Variants in POTEE observed in about 807,000 individuals in gnomAD.
POTEE encodes the protein POTE ankyrin domain family member E.
A neutral mutation model predicts 74.2 loss-of-function variants in POTEE; 21 were observed. That is an observed-to-expected ratio of 0.28 (90% CI 0.20 to 0.41). The LOEUF (loss-of-function observed/expected upper bound fraction) is 0.41. Ranked by LOEUF, POTEE falls within the 10% of genes least tolerant of loss-of-function variation. POTEE has a pLI of 1.00. For synonymous variants in POTEE, 211 were observed against 432.8 expected (o/e 0.49, Z 6.36); for missense variants, 525 against 1,158.6 (o/e 0.45, Z 7.94).
At chr2:131,215,480 T>TAA (rs930537056) in intron 2 of POTEE, among the ~76,000 whole-genome samples, 4 of 151,858 alleles carry the variant, frequency 2.6e-5, no homozygotes, top group Non-Finnish European at 5.9e-5. Flanking sequence ...TTTCAAGACT[T>TAA]ACGCTAGAAC....
At chr2:131,224,305 A>G (rs1483059667) in intron 6 of POTEE, among the ~76,000 whole-genome samples, 1 of 148,080 alleles carries the variant, frequency 6.8e-6, no homozygotes, top group East Asian at 2.0e-4. Flanking sequence ...AATACTTACT[A>G]TTTTTCAATT....
At chr2:131,237,408 AGGTCATAAAAGCAACACAGCT>A (rs1433077266) in intron 10 of POTEE, among the ~76,000 whole-genome samples, 2 of 151,936 alleles carry the variant, frequency 1.3e-5, no homozygotes, top group African/African-American at 4.8e-5. Flanking sequence ...GGAGGGAACC[AGGTCATAAAAGCAACACAGCT>A]GCCTATTACA....
intron 4 of POTEE, among the ~76,000 whole-genome samples, chr2:131,220,474 G>A (rs1247735306): frequency 1.3e-5 from 2 of 151,214 alleles, no homozygotes; most frequent in African/African-American, 4.9e-5. Context: ...CAAGTGCTGG[G>A]GTTACAGGCG....
intron 8 of POTEE, chr2:131,229,806 A>G (rs1177981162): frequency 1.3e-5 from 2 of 152,180 alleles, no homozygotes; most frequent in Non-Finnish European, 2.9e-5. Flanking sequence ...AAATATTGAA[A>G]TTGTGATTTG....
chr2:131,235,417 A>G (rs1701096903), intron 9 of POTEE, among the ~76,000 whole-genome samples: 1 of 152,026 alleles, frequency 6.6e-6, no homozygotes, highest in African/African-American at 2.4e-5. Context: ...TGAAGTACTA[A>G]GGCAGCCTCA....
chr2:131,227,639 C>T (rs1700821803), intron 7 of POTEE, among the ~76,000 whole-genome samples: 1 of 137,912 alleles, frequency 7.3e-6, no homozygotes, highest in Non-Finnish European at 1.5e-5. Flanking sequence ...TAATTAGTAA[C>T]TTTCTTACTT....
At chr2:131,217,010 T>A (rs193189151) in intron 2 of POTEE, among the ~76,000 whole-genome samples, 812 of 152,366 alleles carry the variant, frequency 5.3e-3, no homozygotes, top group Non-Finnish European at 8.1e-3. Flanking sequence ...TGGTGATTGT[T>A]TAACTAGTTA....
At chr2:131,236,172 G>C (rs1207873731) in intron 9 of POTEE, among the ~76,000 whole-genome samples, 1 of 152,118 alleles carries the variant, frequency 6.6e-6, no homozygotes, top group Non-Finnish European at 1.5e-5. Context: ...ACAGGAACTT[G>C]CAAATAGTAT....
At chr2:131,220,548 A>G (rs1263142302) in intron 4 of POTEE, among the ~76,000 whole-genome samples, 1 of 152,112 alleles carries the variant, frequency 6.6e-6, no homozygotes, top group Non-Finnish European at 1.5e-5. Context: ...AAAATTGGGC[A>G]AAGTACTTTT....
At chr2:131,226,068 A>G (rs573195259) in intron 6 of POTEE, among the ~76,000 whole-genome samples, 8 of 152,152 alleles carry the variant, frequency 5.3e-5, no homozygotes, top group Non-Finnish European at 1.0e-4. Context: ...GAGTTTTCTC[A>G]ATTAGAATTG....
At chr2:131,226,522 A>C (rs1332806094) in intron 6 of POTEE, among the ~76,000 whole-genome samples, 1 of 142,308 alleles carries the variant, frequency 7.0e-6, no homozygotes, top group Non-Finnish European at 1.5e-5. Flanking sequence ...AGATGGGAAA[A>C]ATATTATCAT....
chr2:131,263,394 G>A lies in POTEE; in HGVS notation c.1939G>A (p.Glu647Lys), dbSNP rs1380900274. ...TAAGAAAGAAAAAGACGTCTTGCAT[G>A]AAAATAGTACGTTGCGGGAAGAAAT... Reference protein sequence around the residue: ...SCKKEKDVLHENSTLREEIAM... With the variant: ...SCKKEKDVLHKNSTLREEIAM... Residue 647 changes from glutamate to lysine, a missense_variant, in exon 18 of 18, where the codon GAA (glutamate) becomes AAA (lysine). Physicochemically the swap from Glu to Lys is moderately conservative, Grantham distance 56. Transcript: ENST00000683005. 6.2e-7 allele frequency: 1 copy of A among 1,611,762 alleles called. No individual in the cohort carries two copies.
At position 131,216,066 on chromosome 2, in the gene POTEE, G is replaced by A. The variant is rs547233756; in HGVS notation, c.-188-1523G>A. Among the ~76,000 whole-genome samples the A allele has an allele frequency of 8.6e-5, 13 of 152,032 alleles. No homozygotes were observed. In the East Asian group the frequency reaches 2.5e-3, roughly 29 times the overall value. Reference sequence around the variant, plus strand: ...TGACAAACTGTTATCTGAAAAATAAGGTAATTCCATTTATAATAGCAACAA... The same window carrying A: ...TGACAAACTGTTATCTGAAAAATAAAGTAATTCCATTTATAATAGCAACAA... On this transcript the variant is annotated intron_variant, in intron 2 of 17. Transcript: ENST00000683005.
rs758450514 is a variant in POTEE, at chr2:131,226,941, T to C, written c.917+12T>C. 9.3e-6 allele frequency: 15 copies of C among 1,610,948 alleles called. No individual in the cohort carries two copies. Among genetic ancestry groups the C allele is most frequent in the Middle Eastern group, 2.2e-4 (1 of 4,448 alleles). On this transcript the variant is annotated intron_variant, in intron 7 of 17. Transcript: ENST00000683005. Reference sequence around the variant, plus strand: ...GATAGATATGGAAGGTATAGTTCTTTCTTTTAATCTGTGTGTTCTAGATGG... The same window carrying C: ...GATAGATATGGAAGGTATAGTTCTTCCTTTTAATCTGTGTGTTCTAGATGG...
At chr2:131,230,004 A>T (rs1359937790) in intron 8 of POTEE, among the ~76,000 whole-genome samples, 2 of 152,152 alleles carry the variant, frequency 1.3e-5, no homozygotes, top group African/African-American at 2.4e-5. Flanking sequence ...ATTGAACATC[A>T]ATATAAAGCA....
At chr2:131,217,775 CGCACGCGCACGCG>C (rs1282689316) in intron 3 of POTEE, among the ~76,000 whole-genome samples, 92 bp downstream of exon 3, 5 of 70,872 alleles carry the variant, frequency 7.1e-5, no homozygotes, top group Admixed American at 1.6e-4. Flanking sequence ...ACGCGCACGC[CGCACGCGCACGCG>C]CACGCCCGGC....
chr2:131,262,807 A>ATT, intron 17 of POTEE, among the ~76,000 whole-genome samples: 1 of 152,296 alleles, frequency 6.6e-6, no homozygotes, highest in Non-Finnish European at 1.5e-5. Flanking sequence ...TGTAATTCTT[A>ATT]TAACTGAGTA....
rs776433244 is a variant in POTEE at position 131,209,635 on chromosome 2, A to G, written c.-529A>G. Among the ~76,000 whole-genome samples the G allele has an allele frequency of 1.3e-4, 19 of 147,574 alleles. No homozygotes were observed. Among genetic ancestry groups the G allele is most frequent in the Non-Finnish European group, 2.4e-4 (16 of 66,316 alleles). ...TGGCTCACTGCAGTTGGTGGTGTCCACAGAGCGGTAGGAGGGCAACTAGTA... is the reference window on the plus strand; with the variant it reads ...TGGCTCACTGCAGTTGGTGGTGTCCGCAGAGCGGTAGGAGGGCAACTAGTA... On this transcript the variant is annotated 5_prime_UTR_variant, in exon 1 of 18. Coordinates refer to ENST00000683005, the MANE Select transcript of POTEE (RefSeq NM_001083538.3).
chr2:131,226,756 T>G, intron 6 of POTEE, 67 bp from the exon 7 acceptor site: 3 of 1,606,322 alleles, frequency 1.9e-6, no homozygotes, highest in Non-Finnish European at 2.5e-6. Flanking sequence ...ACATAAAGTT[T>G]CCACTTTGGT....
Sources: allele counts gnomAD v4.1 joint callset (sites outside exome capture counted in the v4.1 genomes callset), GRCh38; gene constraint gnomAD v4.1.1; transcripts MANE v1.5; gene names NCBI Gene and HGNC (gene_info 2026-07-23, HGNC 2026-07-21).